Variants in TRAPPC9 observed in about 807,000 individuals in gnomAD.
TRAPPC9 encodes the protein trafficking protein particle complex subunit 9.
In TRAPPC9, 83 loss-of-function variants were observed where a neutral mutation model predicts 124.0. The observed-to-expected ratio is 0.67, with a 90% CI of 0.56 to 0.80. The LOEUF is 0.80. Ranked by LOEUF, TRAPPC9 falls within the 30% of genes least tolerant of loss-of-function variation. The pLI is 0.00. For missense variants in TRAPPC9, 1,302 were observed against 1,508.3 expected (o/e 0.86, Z 2.27); for synonymous variants, 638 against 617.5 (o/e 1.03, Z -0.49).
chr8:139,795,868 C>A (rs756378900), intron 21 of TRAPPC9, among the ~76,000 whole-genome samples: 2 of 152,142 alleles, frequency 1.3e-5, no homozygotes, highest in Non-Finnish European at 2.9e-5. Context: ...GATCCCAGTG[C>A]GTGAATGCAC....
intron 19 of TRAPPC9, among the ~76,000 whole-genome samples, chr8:139,967,368 T>A (rs1835770350): frequency 6.6e-6 from 1 of 152,242 alleles, no homozygotes; most frequent in African/African-American, 2.4e-5. Flanking sequence ...GCTGCTGCAC[T>A]AAGTCACTAA....
At chr8:140,158,178 C>G (rs1439780804) in intron 17 of TRAPPC9, among the ~76,000 whole-genome samples, 1 of 152,064 alleles carries the variant, frequency 6.6e-6, no homozygotes, top group Non-Finnish European at 1.5e-5. Context: ...AGTAACAGCC[C>G]CCCCTCAAAT....
intron 21 of TRAPPC9, among the ~76,000 whole-genome samples, chr8:139,782,630 ATCT>A (rs1821914832): frequency 6.6e-6 from 1 of 152,346 alleles, no homozygotes; most frequent in South Asian, 2.1e-4. Flanking sequence ...GCAACTGAAT[ATCT>A]TGTTTCAATG....
intron 21 of TRAPPC9, among the ~76,000 whole-genome samples, chr8:139,752,478 AC>A (rs1819388424): frequency 7.3e-6 from 1 of 136,486 alleles, no homozygotes; most frequent in South Asian, 2.4e-4. Context: ...CATCTATCCA[AC>A]ATCTACCCAT....
At position 140,439,147 on chromosome 8, in the gene TRAPPC9, A is replaced by G. The variant is rs1371785918; in HGVS notation, c.635T>C (p.Leu212Pro). ...QGRMRKHVGD[L>P]CLQAGMLQDS... Reference sequence around the variant, plus strand: ...CTGCAGCATCCCTGCCTGCAGGCACAGGTCCCCCACGTGCTTCCGCATGCG... The same window carrying G: ...CTGCAGCATCCCTGCCTGCAGGCACGGGTCCCCCACGTGCTTCCGCATGCG... The change falls in exon 3 of 23, where the codon CTG becomes CCG. Residue 212 changes from leucine to proline, a missense_variant. By Grantham distance (98) the Leu-to-Pro change is moderately conservative. Coordinates refer to ENST00000438773, the MANE Select transcript of TRAPPC9 (RefSeq NM_001160372.4). The G allele has an allele frequency of 6.2e-7, 1 of 1,614,104 alleles. No homozygotes were observed. Among genetic ancestry groups the G allele is most frequent in the Non-Finnish European group, 8.5e-7 (1 of 1,180,026 alleles).
intron 19 of TRAPPC9, among the ~76,000 whole-genome samples, chr8:139,930,991 C>G (rs1833107843): frequency 6.6e-6 from 1 of 152,150 alleles, no homozygotes; most frequent in Admixed American, 6.5e-5. Flanking sequence ...CTGGAATCAG[C>G]CCTCAGGTCA....
At chr8:140,441,295 C>T (rs2071008936) in intron 2 of TRAPPC9, among the ~76,000 whole-genome samples, 1 of 152,000 alleles carries the variant, frequency 6.6e-6, no homozygotes, top group East Asian at 1.9e-4. Context: ...CAAAGGTAGA[C>T]AGTGTTTTGC....
intron 17 of TRAPPC9, among the ~76,000 whole-genome samples, chr8:140,211,828 A>G (rs1290580402): frequency 6.6e-6 from 1 of 152,212 alleles, no homozygotes; most frequent in Non-Finnish European, 1.5e-5. Flanking sequence ...AAATGTGTAC[A>G]GAAGGCATGC....
At chr8:140,100,121 T>A (rs1393097907) in intron 17 of TRAPPC9, 2 of 141,184 alleles carry the variant, frequency 1.4e-5, no homozygotes, top group South Asian at 2.2e-4. Context: ...GCGGAAGGAG[T>A]GCCGCAATCT....
At chr8:140,198,957 A>G (rs984769095) in intron 17 of TRAPPC9, among the ~76,000 whole-genome samples, 3 of 151,894 alleles carry the variant, frequency 2.0e-5, no homozygotes, top group African/African-American at 7.3e-5. Flanking sequence ...GGAAAGAGGG[A>G]GACAGATGAT....
At chr8:140,211,478 G>A (rs2063060574) in intron 17 of TRAPPC9, among the ~76,000 whole-genome samples, 1 of 152,158 alleles carries the variant, frequency 6.6e-6, no homozygotes, top group Non-Finnish European at 1.5e-5. Context: ...AGAATCACTT[G>A]AGCCCAGGAG....
chr8:140,383,938 A>C (rs2068682993), intron 7 of TRAPPC9, among the ~76,000 whole-genome samples: 1 of 152,222 alleles, frequency 6.6e-6, no homozygotes, highest in Non-Finnish European at 1.5e-5. Flanking sequence ...CCTCAAAGGG[A>C]AACCCATCAG....
Position 139,962,505 on chromosome 8 carries a change from C to G in TRAPPC9, c.2810+26221G>C, listed in dbSNP as rs1835413641. 1.6e-5 allele frequency among the ~76,000 whole-genome samples: 2 copies of G among 124,674 alleles called. 1 individual carries two copies. Among genetic ancestry groups the G allele is most frequent in the Non-Finnish European group, 3.8e-5 (2 of 52,330 alleles). The allele number at this position is 124,674 out of a possible 152,430, so 81.8% of individuals were successfully genotyped here. ...TCAGTAGTATCTATCATCCAAACAC[C>G]ATCATATCCTGCCTCTTCCATCTAG... On this transcript the variant is annotated intron_variant, in intron 19 of 22. Transcript: ENST00000438773.
rs1818603442 is a variant in TRAPPC9, at chr8:139,742,154, G to T, written c.3056-9952C>A. Among the ~76,000 whole-genome samples the T allele has an allele frequency of 6.6e-6, 1 of 152,216 alleles. No homozygotes were observed. The highest frequency in any genetic ancestry group is 2.4e-5 in the African/African-American group (1 of 41,452). On this transcript the variant is annotated intron_variant, in intron 21 of 22. Transcript: ENST00000438773. This position sits in a 1 kb window ranked among gnomAD's most constrained non-coding sequence, Gnocchi z 4.7. ...GCGGCGGTGCGGGAGAGGCCTGACTGCTCCACGCCTTCTATGGCACTGTGG... is the reference window on the plus strand; with the variant it reads ...GCGGCGGTGCGGGAGAGGCCTGACTTCTCCACGCCTTCTATGGCACTGTGG...
In TRAPPC9 at chr8:140,183,957, GGGAGGGAGGAGGGA is replaced by G. The variant is rs760482905; in HGVS notation, c.2556+37488_2556+37501del. Reference sequence around the variant, plus strand: ...GAGAGGAGAGGAGAGGAGAGGGGAGGGGAGGGAGGAGGGAGGAGGGAGGAGGGAGGAGGGAGGAG... The same window carrying G: ...GAGAGGAGAGGAGAGGAGAGGGGAGGGGAGGGAGGAGGGAGGAGGGAGGAG... On this transcript the variant is annotated intron_variant, in intron 17 of 22. Transcript: ENST00000438773. Among the ~76,000 whole-genome samples the G allele has an allele frequency of 1.2e-3, 62 of 52,920 alleles. 2 individuals are homozygous for G. The highest frequency in any genetic ancestry group is 8.2e-3 in the East Asian group (9 of 1,100). 34.7% of individuals were successfully genotyped at this position (52,920 alleles called of 152,430 possible).
At chr8:140,011,435 G>T (rs1839113397) in intron 18 of TRAPPC9, among the ~76,000 whole-genome samples, 1 of 151,312 alleles carries the variant, frequency 6.6e-6, no homozygotes, top group Non-Finnish European at 1.5e-5. Context: ...TTTAATAATG[G>T]GTGTCTATGT....
At chr8:139,809,685 T>G (rs1824304016) in intron 21 of TRAPPC9, among the ~76,000 whole-genome samples, 1 of 151,942 alleles carries the variant, frequency 6.6e-6, no homozygotes, top group Non-Finnish European at 1.5e-5. Flanking sequence ...CATTCTCTCT[T>G]AAGGAGTCCC....
At chr8:140,154,031 G>A (rs550002147) in intron 17 of TRAPPC9, among the ~76,000 whole-genome samples, 2 of 152,272 alleles carry the variant, frequency 1.3e-5, no homozygotes, top group African/African-American at 4.8e-5. Flanking sequence ...TCACCTTTGA[G>A]CTCTAGATTT....
intron 21 of TRAPPC9, among the ~76,000 whole-genome samples, chr8:139,809,598 C>G (rs1824297765): frequency 6.6e-6 from 1 of 152,186 alleles, no homozygotes. Context: ...ATTTTGCCTG[C>G]TGGCATCTGG....
Sources: gnomAD v4.1 joint callset for allele counts (sites outside exome capture counted in the v4.1 genomes callset) on GRCh38, gnomAD v4.1.1 for gene constraint, Gnocchi (gnomAD v3.1) non-coding constraint, MANE v1.5 for transcripts, NCBI Gene and HGNC (gene_info 2026-07-23, HGNC 2026-07-21) for gene names.